The following MATN2 variants were observed in gnomAD, a reference collection of about 807,000 sequenced individuals.
MATN2 encodes the protein matrilin-2.
MATN2 carries 69 observed loss-of-function variants against 103.2 expected under a neutral mutation model. The observed-to-expected ratio is 0.67, with a 90% confidence interval of 0.55 to 0.82. The LOEUF is 0.82. Ranked by LOEUF, MATN2 falls within the 40% of genes least tolerant of loss-of-function variation. The pLI is 0.00. For synonymous variants in MATN2, 429 were observed against 450.2 expected, an observed-to-expected ratio of 0.95 and a Z score of 0.60; for missense variants, 1,023 against 1,211.5, an observed-to-expected ratio of 0.84 and a Z score of 2.31.
chr8:97,938,393 T>C (rs1322452312), intron 3 of MATN2, among the ~76,000 whole-genome samples: 1 of 152,202 alleles, frequency 6.6e-6, no homozygotes, highest in Non-Finnish European at 1.5e-5. Context: ...ATGGGAATCG[T>C]TAGGACCATC....
At chr8:97,871,520 G>A (rs1188927513) in intron 1 of MATN2, among the ~76,000 whole-genome samples, 4 of 152,230 alleles carry the variant, frequency 2.6e-5, no homozygotes, top group Non-Finnish European at 5.9e-5. Flanking sequence ...GCACCTGCAG[G>A]AGCGTCCCTT....
At chr8:98,033,428 G>C (rs1814111655) in intron 17 of MATN2, 133 bp from the exon 18 acceptor site, 3 of 649,452 alleles carry the variant, frequency 4.6e-6, no homozygotes, top group Admixed American at 3.1e-5. Flanking sequence ...GTATTTACTG[G>C]ATCTGGCTGC....
chr8:97,893,580 ATTT>A (rs1418129662), intron 2 of MATN2, among the ~76,000 whole-genome samples: 1 of 146,042 alleles, frequency 6.8e-6, no homozygotes, highest in Non-Finnish European at 1.5e-5. Context: ...TTATTTATTT[ATTT>A]ATTTATTTAT....
intron 2 of MATN2, among the ~76,000 whole-genome samples, chr8:97,913,100 A>G (rs1483733176): frequency 1.3e-5 from 2 of 152,114 alleles, no homozygotes; most frequent in Non-Finnish European, 1.5e-5. Flanking sequence ...CTGGCTTTCT[A>G]AAACCTTGCT....
In MATN2 at chr8:97,916,277, C is replaced by T. The variant is rs1425714023; in HGVS notation, c.143-14676C>T. On this transcript the variant is annotated intron_variant, in intron 2 of 18. Transcript: ENST00000254898. ...TAGAGACGGGGTTTCGCCATGTTGG[C>T]CAGGCTGGTCTCGAACTCCTGGCCT... Among the ~76,000 whole-genome samples the T allele has an allele frequency of 2.0e-5, 3 of 152,190 alleles. No individual in the cohort carries two copies. The East Asian group carries it at 5.8e-4, about 29-fold the overall frequency.
rs530450882 is a variant in MATN2, at chr8:97,979,346, C to T, written c.1081+338C>T. Among the ~76,000 whole-genome samples the T allele has an allele frequency of 1.2e-3, 189 of 152,342 alleles. 1 individual carries two copies. In the South Asian group the frequency reaches 0.018, roughly 15 times the overall value. ...GCACTAACAGGGCTTGAGATGTTTT[C>T]ATTGAAGCTTTGTGGCTTGTGGGCT... On this transcript the variant is annotated intron_variant, in intron 6 of 18. Transcript: ENST00000254898.
At position 98,033,507 on chromosome 8, in the gene MATN2, G is replaced by A. The variant is rs575817877; in HGVS notation, c.2717-54G>A. On this transcript the variant is annotated intron_variant, in intron 17 of 18. Coordinates refer to ENST00000254898, the MANE Select transcript of MATN2 (RefSeq NM_002380.5). ...TGCTGATTCATTCCTATTATTATGC[G>A]TCTGGGAAGTCTGGTGGATTCTAGA... is the stretch of plus-strand genomic sequence containing the variant. The A allele has an allele frequency of 8.6e-5, 78 of 904,406 alleles. 1 individual carries two copies. In the African/African-American group the frequency reaches 9.1e-4, roughly 10 times the overall value. 56.0% of individuals were successfully genotyped at this position (904,406 alleles called of 1,614,324 possible). A position where few individuals can be genotyped will look rare whatever the true frequency, so the allele number is the denominator to read the frequency against.
chr8:97,996,946 G>A (rs1023632583), intron 7 of MATN2, among the ~76,000 whole-genome samples: 15 of 152,302 alleles, frequency 9.8e-5, no homozygotes, highest in African/African-American at 2.6e-4. Context: ...TGATGTCATC[G>A]AAATTAAACT....
intron 13 of MATN2, among the ~76,000 whole-genome samples, chr8:98,023,462 G>C (rs112655554): frequency 4.7e-4 from 72 of 152,122 alleles, no homozygotes; most frequent in Non-Finnish European, 8.2e-4. Flanking sequence ...CTTGAGCTCA[G>C]GAGTTCAAGA....
intron 1 of MATN2, among the ~76,000 whole-genome samples, chr8:97,869,801 G>C (rs1436017130): frequency 1.3e-5 from 2 of 152,174 alleles, no homozygotes; most frequent in Admixed American, 1.3e-4. Flanking sequence ...GGGAGAGAAA[G>C]GGGAAGGCAT....
chr8:97,965,971 C>A (rs547792289), intron 5 of MATN2, among the ~76,000 whole-genome samples: 1 of 151,606 alleles, frequency 6.6e-6, no homozygotes, highest in Non-Finnish European at 1.5e-5. Context: ...GCAACAAGAG[C>A]AAAACTCTGT....
intron 5 of MATN2, among the ~76,000 whole-genome samples, chr8:97,972,477 A>C (rs1031806410): frequency 2.6e-5 from 4 of 152,236 alleles, no homozygotes; most frequent in African/African-American, 9.6e-5. Flanking sequence ...ATGTATGCTC[A>C]GCAAGTAAAT....
chr8:97,992,764 A>C (rs1586133112), intron 6 of MATN2, among the ~76,000 whole-genome samples: 1 of 146,828 alleles, frequency 6.8e-6, no homozygotes, highest in African/African-American at 2.5e-5. Context: ...AAAAAAAAAA[A>C]AAAAAATTAC....
chr8:97,924,625 G>T (rs56342795), intron 2 of MATN2, among the ~76,000 whole-genome samples: 2,215 of 152,016 alleles, frequency 0.015, 58 homozygotes, highest in African/African-American at 0.05. Flanking sequence ...CTCCGTAAGC[G>T]CTTGTCGAGG....
chr8:97,971,658 T>A (rs1293319034), intron 5 of MATN2, among the ~76,000 whole-genome samples: 1 of 152,182 alleles, frequency 6.6e-6, no homozygotes, highest in Non-Finnish European at 1.5e-5. Context: ...TCACCTGGTG[T>A]TTACAAACTG....
intron 8 of MATN2, chr8:98,004,371 G>C (rs1007722309): frequency 2.3e-4 from 35 of 154,498 alleles, no homozygotes; most frequent in African/African-American, 8.2e-4. Flanking sequence ...ACTAATATTA[G>C]TATTTGCTGT....
chr8:97,936,565 A>G (rs1810373458), intron 3 of MATN2, among the ~76,000 whole-genome samples: 2 of 152,140 alleles, frequency 1.3e-5, no homozygotes, highest in South Asian at 4.1e-4. Context: ...CCACTCCTTT[A>G]GTCATTCATA....
intron 6 of MATN2, among the ~76,000 whole-genome samples, chr8:97,994,092 AGAAAGGAAGAAAG>A (rs1812484165): frequency 6.7e-6 from 1 of 148,956 alleles, no homozygotes; most frequent in Non-Finnish European, 1.5e-5. Flanking sequence ...GAAAGAAAGA[AGAAAGGAAGAAAG>A]GAAAGGAAGG....
chr8:97,933,095 G>T (rs1259140297), intron 3 of MATN2, among the ~76,000 whole-genome samples: 1 of 152,160 alleles, frequency 6.6e-6, no homozygotes, highest in Non-Finnish European at 1.5e-5. Context: ...AAAGCACAGA[G>T]ATCTCATTTG....
Sources: gnomAD v4.1 joint callset for allele counts (sites outside exome capture counted in the v4.1 genomes callset) on GRCh38, gnomAD v4.1.1 for gene constraint, MANE v1.5 for transcripts, NCBI Gene and HGNC (gene_info 2026-07-23, HGNC 2026-07-21) for gene names.